The following GARIN4 variants were observed in gnomAD, a reference collection of about 807,000 sequenced individuals.
GARIN4 encodes Golgi-associated RAB2 interactor protein 4.
At chr1:212,626,035 C>G in the GARIN4 span, 1 of 1,614,100 alleles carries the variant, frequency 6.2e-7, no homozygotes, top group Admixed American at 1.7e-5. Flanking sequence ...CAGAAGCAGA[C>G]ATGGATGCAG....
chr1:212,625,499 G>A, the GARIN4 span: 619 of 1,614,170 alleles, frequency 3.8e-4, 9 homozygotes, highest in East Asian at 0.013. Context: ...CCTGGGAGCC[G>A]TGAACCTTCA....
chr1:212,625,653 TC>T, the GARIN4 span: 69 of 1,613,950 alleles, frequency 4.3e-5, 1 homozygote, highest in South Asian at 7.5e-4. Flanking sequence ...AATGCATCCA[TC>T]CCCAAAACAT....
chr1:212,625,883 G>A, the GARIN4 span: 2 of 1,614,242 alleles, frequency 1.2e-6, no homozygotes, highest in African/African-American at 1.3e-5. Flanking sequence ...TGCCAGCATG[G>A]CTCCAAACAG....
At chr1:212,625,085 A>T in the GARIN4 span, 1 of 1,614,152 alleles carries the variant, frequency 6.2e-7, no homozygotes, top group Admixed American at 1.7e-5. Context: ...CCGTATGGTG[A>T]CCATGGGCAT....
At chr1:212,625,194 A>C in the GARIN4 span, 7 of 1,614,144 alleles carry the variant, frequency 4.3e-6, no homozygotes, top group African/African-American at 1.3e-5. Flanking sequence ...CAGGCCACCA[A>C]GAGAAAAAAA....
At chr1:212,624,967 A>G in the GARIN4 span, 1 of 1,614,190 alleles carries the variant, frequency 6.2e-7, no homozygotes, top group South Asian at 1.1e-5. Context: ...AACTGCAGCG[A>G]CAACTGTACA....
the GARIN4 span, chr1:212,624,918 G>C: frequency 6.2e-7 from 1 of 1,612,380 alleles, no homozygotes; most frequent in Non-Finnish European, 8.5e-7. Context: ...ACGGCCCAGA[G>C]TGGCTCCAGC....
the GARIN4 span, chr1:212,626,759 G>T: frequency 6.7e-7 from 1 of 1,487,584 alleles, no homozygotes. Flanking sequence ...TTTAAATAAA[G>T]AATCATACAT....
At chr1:212,624,734 CT>C in the GARIN4 span, 1 of 1,412,960 alleles carries the variant, frequency 7.1e-7, no homozygotes, top group Non-Finnish European at 9.2e-7. Context: ...CAGTGGGGGC[CT>C]GTGGGGTGGG....
the GARIN4 span, chr1:212,625,280 G>A: frequency 4.5e-5 from 72 of 1,614,110 alleles, no homozygotes; most frequent in Non-Finnish European, 5.9e-5. Context: ...TCAAGACCAT[G>A]AGAAACAACA....
chr1:212,625,520 G>A, the GARIN4 span: 3 of 1,614,102 alleles, frequency 1.9e-6, no homozygotes, highest in East Asian at 4.5e-5. Context: ...AGGAAAGGGG[G>A]ATCAGGACCA....
the GARIN4 span, chr1:212,624,550 T>G: frequency 4.9e-6 from 1 of 205,974 alleles, no homozygotes; most frequent in Non-Finnish European, 9.7e-6. Flanking sequence ...AAACTGTAAT[T>G]AAAAAAATCA....
At chr1:212,625,306 C>T in the GARIN4 span, 3,035 of 1,614,234 alleles carry the variant, frequency 1.9e-3, 52 homozygotes, top group African/African-American at 0.034. Flanking sequence ...GCCTGAAGTT[C>T]GCCACTGGCA....
At chr1:212,626,703 C>T in the GARIN4 span, 11 of 1,538,434 alleles carry the variant, frequency 7.2e-6, no homozygotes, top group Non-Finnish European at 8.7e-6. Context: ...GCCCAGAGCT[C>T]ATGGGAGTGT....
the GARIN4 span, chr1:212,626,038 G>A: frequency 5.6e-6 from 9 of 1,614,134 alleles, no homozygotes; most frequent in Admixed American, 1.0e-4. Context: ...AAGCAGACAT[G>A]GATGCAGCAG....
At chr1:212,626,304 A>G in the GARIN4 span, 1 of 1,614,188 alleles carries the variant, frequency 6.2e-7, no homozygotes, top group Non-Finnish European at 8.5e-7. Context: ...AAAAAGGAGA[A>G]AGGCTGTGGC....
chr1:212,625,740 C>G, the GARIN4 span: 7 of 1,613,894 alleles, frequency 4.3e-6, no homozygotes, highest in Non-Finnish European at 5.9e-6. Flanking sequence ...GCAGGGGCAG[C>G]AACAGGCACC....
chr1:212,625,788 C>T, the GARIN4 span: 3 of 1,614,136 alleles, frequency 1.9e-6, no homozygotes, highest in African/African-American at 4.0e-5. Flanking sequence ...GCCAATTCTG[C>T]CCCTGGACAG....
chr1:212,625,949 G>T, the GARIN4 span: 2 of 1,614,252 alleles, frequency 1.2e-6, no homozygotes, highest in Admixed American at 1.7e-5. Flanking sequence ...TGTTTCCAGC[G>T]CATCCATGAG....
Sources: gnomAD v4.1 joint callset for allele counts on GRCh38, gnomAD v4.1.1 for gene constraint, MANE v1.5 for transcripts, NCBI Gene and HGNC (gene_info 2026-07-23, HGNC 2026-07-21) for gene names.